Variants in NPPA observed in about 807,000 individuals in gnomAD.
NPPA encodes natriuretic peptide A, also known as natriuretic peptides A.
Under a neutral mutation model 12.2 loss-of-function variants are expected in NPPA, and 10 were observed. The observed-to-expected ratio is 0.82, with a 90% confidence interval of 0.50 to 1.38. The LOEUF (loss-of-function observed/expected upper bound fraction) is 1.38. NPPA is among the 40% of genes most tolerant of loss of function. The pLI is 0.00. For missense variants in NPPA, 207 were observed against 193.5 expected (o/e 1.07, Z -0.41); for synonymous variants, 85 against 80.2 (o/e 1.06, Z -0.32).
chr1:11,847,188 C>T lies in NPPA; in HGVS notation c.375G>A (p.Leu125=), dbSNP rs765926210. Residue 125 remains leucine (L), a synonymous_variant, in exon 2 of 3, where the codon CTG becomes CTA. Transcript: ENST00000376480. ...TGCCCCCGAAGCAGCTGGATCTCCG[C>T]AGGCTCCGAGGGGCAGTGAGCAGCG... is the stretch of plus-strand genomic sequence containing the variant. ...LRALLTAPRS[L]RRSSCFGGRM... 1.9e-5 allele frequency: 31 copies of T among 1,601,206 alleles called. No homozygotes were observed. The African/African-American group carries it at 3.8e-4, about 19-fold the overall frequency.
chr1:11,846,120 T>A, intron 2 of NPPA, 106 bp from the exon 3 acceptor site: 1 of 1,132,332 alleles, frequency 8.8e-7, no homozygotes, highest in Non-Finnish European at 1.3e-6. Flanking sequence ...ACTGACCACC[T>A]GCTTCCCACC....
At position 11,847,271 on chromosome 1, in the gene NPPA, C is replaced by A; in HGVS notation, c.292G>T (p.Gly98Trp). 4 of 1,613,626 alleles carry A rather than the reference C, an allele frequency of 2.5e-6. No homozygotes were observed. The highest frequency in any genetic ancestry group is 3.4e-6 in the Non-Finnish European group (4 of 1,179,698). ...TCAGAGGAGTCCCAGGGGCCCCGCC[C>A]GAGGGCACCTCCATCTCTCTGGGCT... ...SPAQRDGGAL[G>W]RGPWDSSDRS... Residue 98 changes from glycine (G) to tryptophan (W), a missense_variant, in exon 2 of 3, where the codon GGG becomes TGG. Gly to Trp is a radical substitution (Grantham distance 184, BLOSUM62 -2). Coordinates refer to ENST00000376480, the MANE Select transcript of NPPA (RefSeq NM_006172.4).
Position 11,847,608 on chromosome 1 carries a change from T to C in NPPA, c.77A>G (p.Asn26Ser). 6.2e-7 allele frequency: 1 copy of C among 1,614,078 alleles called. No individual in the cohort carries two copies. Among genetic ancestry groups the C allele is most frequent in the Admixed American group, 1.7e-5 (1 of 60,010 alleles). ...GTTGGACACGGCATTGTACATGGGA[T>C]TAGCTCTGGTCTGACCTAGGAGCTG... The part of the protein sequence containing the change: ...AFQLLGQTRA[N>S]PMYNAVSNAD... The change falls in exon 1 of 3, where the codon AAT becomes AGT. Residue 26 changes from asparagine (N) to serine (S), a missense_variant. Physicochemically the swap from Asn to Ser is conservative, Grantham distance 46. Transcript: ENST00000376480.
chr1:11,845,830 A>G lies in NPPA; in HGVS notation c.*179T>C, dbSNP rs1645064660. The G allele has an allele frequency of 2.9e-6, 2 of 683,324 alleles. No individual in the cohort carries two copies. The highest frequency in any genetic ancestry group is 2.7e-5 in the East Asian group (1 of 37,506). The allele number at this position is 683,324 out of a possible 1,614,324, so 42.3% of individuals were successfully genotyped here. On this transcript the variant is annotated 3_prime_UTR_variant, in exon 3 of 3. Transcript: ENST00000376480. ...GAGGCGAGGAAGTCACCATCAAACC[A>G]CTTTATCTACAGTTAGCATAAGATG...
chr1:11,847,331 G>A lies in NPPA; in HGVS notation c.232C>T (p.Pro78Ser). The A allele has an allele frequency of 6.2e-7, 1 of 1,613,604 alleles. No individual in the cohort carries two copies. Among genetic ancestry groups the A allele is most frequent in the East Asian group, 2.2e-5 (1 of 44,872 alleles). Residue 78 changes from proline to serine, a missense_variant, in exon 2 of 3, where the codon CCT becomes TCT. By Grantham distance (74) the Pro-to-Ser change is moderately conservative. Transcript: ENST00000376480. ...TCCCCGGTCCAGGGAGGCACCTCAG[G>A]GAGGGGGCTGAGAGCAGCCCCCGCT... is the stretch of plus-strand genomic sequence containing the variant. The part of the protein sequence containing the change: ...EEAGAALSPL[P>S]EVPPWTGEVS...
rs756588444 is a variant in NPPA at position 11,847,307 on chromosome 1, C to T, written c.256G>A (p.Glu86Lys). The T allele has an allele frequency of 1.9e-6, 3 of 1,613,592 alleles. No individual in the cohort carries two copies. The highest frequency in any genetic ancestry group is 1.1e-5 in the South Asian group (1 of 91,080). Reference protein sequence around the residue: ...PLPEVPPWTGEVSPAQRDGGA... With the variant: ...PLPEVPPWTGKVSPAQRDGGA... ...CCATCTCTCTGGGCTGGGCTGACTT[C>T]CCCGGTCCAGGGAGGCACCTCAGGG... The change falls in exon 2 of 3, where the codon GAA becomes AAA. Residue 86 changes from glutamate to lysine, a missense_variant. Coordinates refer to ENST00000376480, the MANE Select transcript of NPPA (RefSeq NM_006172.4).
Position 11,846,002 on chromosome 1 carries a change from G to A in NPPA, c.*7C>T, listed in dbSNP as rs780974291. The A allele has an allele frequency of 5.6e-6, 9 of 1,613,932 alleles. No homozygotes were observed. In the African/African-American group the frequency reaches 1.1e-4, roughly 19 times the overall value. ...CCAGCCCTGCTTGTCCTCCCTGGCT[G>A]TTATCTTCAGTACTGCAAAGAGAAC... On this transcript the variant is annotated 3_prime_UTR_variant, in exon 3 of 3. Transcript: ENST00000376480.
In NPPA at chr1:11,847,612, C is replaced by A. The variant is rs763082246; in HGVS notation, c.73G>T (p.Ala25Ser). 3.1e-6 allele frequency: 5 copies of A among 1,614,122 alleles called. No homozygotes were observed. Among genetic ancestry groups the A allele is most frequent in the Non-Finnish European group, 3.4e-6 (4 of 1,180,032 alleles). Residue 25 changes from alanine to serine, a missense_variant, in exon 1 of 3, where the codon GCT (alanine) becomes TCT (serine). By Grantham distance (99) the Ala-to-Ser change is moderately conservative (BLOSUM62 1). Coordinates refer to ENST00000376480, the MANE Select transcript of NPPA (RefSeq NM_006172.4). ...GACACGGCATTGTACATGGGATTAG[C>A]TCTGGTCTGACCTAGGAGCTGGAAT... ...LAFQLLGQTR[A>S]NPMYNAVSNA... is the part of the protein sequence containing the mutation.
Position 11,845,943 on chromosome 1 carries a change from G to A in NPPA, c.*66C>T, listed in dbSNP as rs1351500451. Reference sequence around the variant, plus strand: ...TGACACAAATGCAGCAGAGACCCCAGGGGACAGGAGCCTCTTGCAGTCTGT... The same window carrying A: ...TGACACAAATGCAGCAGAGACCCCAAGGGACAGGAGCCTCTTGCAGTCTGT... On this transcript the variant is annotated 3_prime_UTR_variant, in exon 3 of 3. Coordinates refer to ENST00000376480, the MANE Select transcript of NPPA (RefSeq NM_006172.4). 5 of 1,530,160 alleles carry A rather than the reference G, an allele frequency of 3.3e-6. No individual in the cohort carries two copies. The highest frequency in any genetic ancestry group is 4.5e-6 in the Non-Finnish European group (5 of 1,103,626). 94.8% of individuals were successfully genotyped at this position (1,530,160 alleles called of 1,614,324 possible).
At chr1:11,847,038 AT>A (rs1316598511) in intron 2 of NPPA, 74 bp downstream of exon 2, 1 of 1,377,378 alleles carries the variant, frequency 7.3e-7, no homozygotes, top group African/African-American at 1.4e-5. Flanking sequence ...GAGCTTCTGC[AT>A]TGGTCCCTTT....
chr1:11,847,041 G>A (rs1394195566), intron 2 of NPPA, 72 bp downstream of exon 2: 3 of 1,383,972 alleles, frequency 2.2e-6, no homozygotes, highest in Non-Finnish European at 1.9e-6. Flanking sequence ...CTTCTGCATT[G>A]GTCCCTTTCC....
chr1:11,847,776 C>G lies in NPPA; in HGVS notation c.-92G>C, dbSNP rs1004143376. 2.3e-5 allele frequency: 37 copies of G among 1,588,676 alleles called. No individual in the cohort carries two copies. Among genetic ancestry groups the G allele is most frequent in the Non-Finnish European group, 3.2e-5 (37 of 1,160,038 alleles). ...TCCCCTCTCTTGGCCTACGTCTGTC[C>G]CTGTCTCCCAGCTGCCCAGTGCCGC... is the stretch of plus-strand genomic sequence containing the variant. On this transcript the variant is annotated 5_prime_UTR_variant, in exon 1 of 3. Transcript: ENST00000376480.
Position 11,847,113 on chromosome 1 carries a change from C to A in NPPA, c.450G>T (p.Arg150=). ...AQSGLGCNSF[R]Y ...CATTTCCATCCCCAGTTCCTCTTAC[C>A]CGGAAGCTGTTACAGCCCAGTCCGC... The change falls in exon 2 of 3, where the codon CGG becomes CGT. Residue 150 remains arginine, a splice_region_variant and synonymous_variant. Transcript: ENST00000376480. The A allele has an allele frequency of 6.5e-7, 1 of 1,528,492 alleles. No homozygotes were observed. The highest frequency in any genetic ancestry group is 8.8e-7 in the Non-Finnish European group (1 of 1,139,266). The allele number at this position is 1,528,492 out of a possible 1,614,324, so 94.7% of individuals were successfully genotyped here. A position where few individuals can be genotyped will look rare whatever the true frequency, so the allele number is the denominator to read the frequency against.
chr1:11,846,378 G>A lies in NPPA; in HGVS notation c.451-364C>T, dbSNP rs1204011872. On this transcript the variant is annotated intron_variant, in intron 2 of 2. Transcript: ENST00000376480. Reference sequence around the variant, plus strand: ...TCTGTCGCCCAGGCTGGAGTGCAGTGGTGCCATCTCTGCTCACTGCAAGCT... The same window carrying A: ...TCTGTCGCCCAGGCTGGAGTGCAGTAGTGCCATCTCTGCTCACTGCAAGCT... Among the ~76,000 whole-genome samples the A allele has an allele frequency of 2.1e-5, 3 of 143,456 alleles. No homozygotes were observed. The South Asian group carries it at 6.6e-4, about 32-fold the overall frequency. The allele number at this position is 143,456 out of a possible 152,430, so 94.1% of individuals were successfully genotyped here.
chr1:11,846,102 A>G, intron 2 of NPPA, 88 bp from the exon 3 acceptor site: 3 of 1,343,740 alleles, frequency 2.2e-6, no homozygotes, highest in Non-Finnish European at 3.2e-6. Context: ...CATCCTCTGA[A>G]CTTGATTACT....
At chr1:11,847,004 T>G (rs1645073374) in intron 2 of NPPA, 109 bp downstream of exon 2, 1 of 965,426 alleles carries the variant, frequency 1.0e-6, no homozygotes, top group Non-Finnish European at 1.4e-6. Context: ...CTCTGGGTGT[T>G]GGGGCAGAAA....
In NPPA at chr1:11,847,284, A is replaced by C. The variant is rs148193368; in HGVS notation, c.279T>G (p.Asp93Glu). The change falls in exon 2 of 3, where the codon GAT becomes GAG. Residue 93 changes from aspartate (D) to glutamate (E), a missense_variant. Transcript: ENST00000376480. The stretch of plus-strand genomic sequence containing the variant: ...AGGGGCCCCGCCCGAGGGCACCTCC[A>C]TCTCTCTGGGCTGGGCTGACTTCCC... ...WTGEVSPAQRDGGALGRGPWD... is the reference protein window; with the variant it reads ...WTGEVSPAQREGGALGRGPWD... 295 of 1,613,556 alleles carry C rather than the reference A, an allele frequency of 1.8e-4. No homozygotes were observed. Among genetic ancestry groups the C allele is most frequent in the Non-Finnish European group, 2.4e-4 (288 of 1,179,742 alleles).
In NPPA at chr1:11,846,464, G is replaced by T. The variant is rs553620291; in HGVS notation, c.451-450C>A. Among the ~76,000 whole-genome samples, 50 of 151,368 alleles carry T rather than the reference G, an allele frequency of 3.3e-4. No homozygotes were observed. In the South Asian group the frequency reaches 9.6e-3, roughly 29 times the overall value. On this transcript the variant is annotated intron_variant, in intron 2 of 2. Coordinates refer to ENST00000376480, the MANE Select transcript of NPPA (RefSeq NM_006172.4). ...CCTCCGGAGTAGCTAGGACTTACAG[G>T]CGCCTGCCACCACGCCTGGCTAATT...
At position 11,847,616 on chromosome 1, in the gene NPPA, G is replaced by A; in HGVS notation, c.69C>T (p.Thr23=). The A allele has an allele frequency of 6.2e-7, 1 of 1,614,040 alleles. No homozygotes were observed. The highest frequency in any genetic ancestry group is 8.5e-7 in the Non-Finnish European group (1 of 1,179,994). The change falls in exon 1 of 3, where the codon ACC becomes ACT. Residue 23 remains threonine (T), a synonymous_variant. Transcript: ENST00000376480. The part of the protein sequence containing the change: ...LLLAFQLLGQ[T]RANPMYNAVS... ...CGGCATTGTACATGGGATTAGCTCT[G>A]GTCTGACCTAGGAGCTGGAATGCCA...
Sources: gnomAD v4.1 joint callset for allele counts (sites outside exome capture counted in the v4.1 genomes callset) on GRCh38, gnomAD v4.1.1 for gene constraint, MANE v1.5 for transcripts, NCBI Gene and HGNC (gene_info 2026-07-23, HGNC 2026-07-21) for gene names.